Variants in CCDC33 observed in about 807,000 individuals in gnomAD.
The protein encoded by CCDC33 is coiled-coil domain containing 33, also known as coiled-coil domain-containing protein 33.
CCDC33 carries 94 observed loss-of-function variants against 91.9 expected under a neutral mutation model. The observed-to-expected ratio is 1.02, with a 90% CI of 0.87 to 1.21. The LOEUF (loss-of-function observed/expected upper bound fraction) is 1.21. Ranked by LOEUF, CCDC33 falls within the 50% of genes most tolerant of loss-of-function variation. The pLI, the probability that CCDC33 is intolerant of heterozygous loss-of-function variation, is 0.00. For missense variants in CCDC33, 940 were observed against 935.5 expected (o/e 1.00, Z -0.06); for synonymous variants, 396 against 374.5 (o/e 1.06, Z -0.66).
intron 10 of CCDC33, among the ~76,000 whole-genome samples, chr15:74,283,776 G>C (rs1016583525): frequency 2.8e-5 from 4 of 143,574 alleles, no homozygotes; most frequent in African/African-American, 7.7e-5. Flanking sequence ...CAGAAATTCA[G>C]ATTCTGCAGC....
intron 2 of CCDC33, among the ~76,000 whole-genome samples, chr15:74,259,422 T>C (rs2075962169): frequency 6.6e-6 from 1 of 152,060 alleles, no homozygotes; most frequent in African/African-American, 2.4e-5. Context: ...AGGCCCTTCT[T>C]GCTCTCCAGA....
intron 2 of CCDC33, among the ~76,000 whole-genome samples, chr15:74,229,965 G>A (rs2074916354): frequency 6.6e-6 from 1 of 152,238 alleles, no homozygotes; most frequent in Non-Finnish European, 1.5e-5. Flanking sequence ...AGGTTGCAGC[G>A]AATCTTTGTG....
intron 2 of CCDC33, among the ~76,000 whole-genome samples, chr15:74,245,666 C>T (rs2075502355): frequency 2.0e-5 from 3 of 151,716 alleles, no homozygotes; most frequent in African/African-American, 7.3e-5. Context: ...GGAGCCTAGG[C>T]GACACGAGCC....
At chr15:74,287,767 C>T (rs376135567) in intron 10 of CCDC33, among the ~76,000 whole-genome samples, 1 of 151,346 alleles carries the variant, frequency 6.6e-6, no homozygotes. Context: ...CCAGCCTGGG[C>T]GACAGAGCAA....
At chr15:74,307,868 C>G (rs138778955) in intron 11 of CCDC33, among the ~76,000 whole-genome samples, 1,593 of 152,112 alleles carry the variant, frequency 0.01, 17 homozygotes, top group Middle Eastern at 0.051. Flanking sequence ...GGCAGTATGG[C>G]GAGAGCCACT....
chr15:74,224,407 G>C (rs1444429740), intron 2 of CCDC33, among the ~76,000 whole-genome samples: 1 of 152,196 alleles, frequency 6.6e-6, no homozygotes, highest in Non-Finnish European at 1.5e-5. Context: ...GTTTGAGGGA[G>C]TCCCATATTT....
At chr15:74,281,746 G>A (rs2059368828) in intron 9 of CCDC33, 32 bp from the exon 10 acceptor site, 9 of 1,597,030 alleles carry the variant, frequency 5.6e-6, no homozygotes, top group South Asian at 1.1e-5. Flanking sequence ...GCCCTGGCCA[G>A]CATGGTCTGA....
rs750638514 is a variant in CCDC33 at position 74,335,919 on chromosome 15, C to T, written c.2140-6C>T. 3.7e-6 allele frequency: 6 copies of T among 1,612,940 alleles called. No homozygotes were observed. In the South Asian group the frequency reaches 4.4e-5, roughly 12 times the overall value. ...GTACTCACGCACCCCGCTTTGCACA[C>T]CACAGAGTGCCCTCACCCACTCCAT... On this transcript the variant is annotated splice_region_variant and splice_polypyrimidine_tract_variant and intron_variant, in intron 18 of 18. Coordinates refer to ENST00000398814, the MANE Select transcript of CCDC33 (RefSeq NM_025055.5).
At chr15:74,208,609 GT>G in intron 1 of CCDC33, among the ~76,000 whole-genome samples, 1 of 152,100 alleles carries the variant, frequency 6.6e-6, no homozygotes. Context: ...GCCCCCCAGT[GT>G]CCCCTGAGGG....
intron 10 of CCDC33, among the ~76,000 whole-genome samples, chr15:74,289,113 G>A (rs951160531): frequency 3.9e-5 from 6 of 152,130 alleles, no homozygotes; most frequent in African/African-American, 7.2e-5. Flanking sequence ...CTCGGTGCCC[G>A]CCCCTCATGA....
chr15:74,306,115 C>T (rs539064813), intron 11 of CCDC33, among the ~76,000 whole-genome samples: 1 of 152,162 alleles, frequency 6.6e-6, no homozygotes, highest in South Asian at 2.1e-4. Flanking sequence ...GCCTCTCCCT[C>T]TGACCCCCTC....
chr15:74,334,840 G>A (rs548466916), intron 17 of CCDC33, 135 bp from the exon 18 acceptor site: 20 of 741,360 alleles, frequency 2.7e-5, no homozygotes, highest in Admixed American at 6.4e-5. Flanking sequence ...CTGAGGTCTC[G>A]GGAAGGTGTC....
chr15:74,209,454 T>A, exon 2 of CCDC33: 3 of 1,535,346 alleles, frequency 2.0e-6, no homozygotes, highest in Non-Finnish European at 2.6e-6. Flanking sequence ...CGGATCTGCA[T>A]CCTGCTGCTG....
intron 11 of CCDC33, chr15:74,300,609 A>G (rs2142654591): frequency 6.6e-6 from 1 of 152,340 alleles, no homozygotes; most frequent in South Asian, 2.1e-4. Flanking sequence ...CAGTCTCATC[A>G]TGCATTCCCC....
In CCDC33 at chr15:74,295,839, T is replaced by A; in HGVS notation, c.1181T>A (p.Ile394Asn). Residue 394 changes from isoleucine (I) to asparagine (N), a missense_variant, in exon 11 of 19, where the codon ATC (isoleucine) becomes AAC (asparagine). Coordinates refer to ENST00000398814, the MANE Select transcript of CCDC33 (RefSeq NM_025055.5). ...PKILDKKLRT[I>N]QESWSKDTVS... ...ATCCTGGATAAGAAGCTGAGAACCA[T>A]CCAAGAGTCCTGGTCCAAGGACACA... is the stretch of plus-strand genomic sequence containing the variant. 2 of 1,614,114 alleles carry A rather than the reference T, an allele frequency of 1.2e-6. No homozygotes were observed. Among genetic ancestry groups the A allele is most frequent in the South Asian group, 1.1e-5 (1 of 91,080 alleles).
At chr15:74,289,548 C>A (rs1358494363) in intron 10 of CCDC33, among the ~76,000 whole-genome samples, 2 of 152,162 alleles carry the variant, frequency 1.3e-5, no homozygotes, top group Non-Finnish European at 2.9e-5. Flanking sequence ...ACCCCATCTC[C>A]ACTAAAAATG....
At position 74,266,735 on chromosome 15, in the gene CCDC33, T is replaced by A; in HGVS notation, c.377T>A (p.Ile126Asn). ...AAACAGGAGTTGTTGTCCTACAAAA[T>A]CCCCATCAAGTACCTGCGTGTCTTC... The part of the protein sequence containing the change: ...RKKQELLSYK[I>N]PIKYLRVFHP... Residue 126 changes from isoleucine to asparagine, a missense_variant, in exon 4 of 19, where the codon ATC (isoleucine) becomes AAC (asparagine). By Grantham distance (149) the Ile-to-Asn change is moderately radical (BLOSUM62 -3). Coordinates refer to ENST00000398814, the MANE Select transcript of CCDC33 (RefSeq NM_025055.5). 1 of 1,614,172 alleles carries A rather than the reference T, an allele frequency of 6.2e-7. No individual in the cohort carries two copies. Among genetic ancestry groups the A allele is most frequent in the Non-Finnish European group, 8.5e-7 (1 of 1,180,020 alleles).
At chr15:74,285,975 C>T (rs891625312) in intron 10 of CCDC33, among the ~76,000 whole-genome samples, 4 of 152,156 alleles carry the variant, frequency 2.6e-5, no homozygotes, top group South Asian at 2.1e-4. Flanking sequence ...TGGCTGGGTG[C>T]GGTGGCTCAC....
intron 11 of CCDC33, among the ~76,000 whole-genome samples, chr15:74,317,123 G>C (rs1217848947): frequency 2.0e-5 from 3 of 152,200 alleles, no homozygotes; most frequent in Non-Finnish European, 2.9e-5. Context: ...ATTTTGGGAG[G>C]CTGAGGCAGG....
Sources: gnomAD v4.1 joint callset for allele counts (sites outside exome capture counted in the v4.1 genomes callset) on GRCh38, gnomAD v4.1.1 for gene constraint, MANE v1.5 for transcripts, NCBI Gene and HGNC (gene_info 2026-07-23, HGNC 2026-07-21) for gene names.